The following ARID5B variants were observed in gnomAD, a reference collection of about 807,000 sequenced individuals.
ARID5B encodes AT-rich interactive domain-containing protein 5B.
A neutral mutation model predicts 97.2 loss-of-function variants in ARID5B; 13 were observed. The ratio of observed to expected loss-of-function variants is 0.13; its 90% CI spans 0.09 to 0.21. ARID5B has a LOEUF of 0.21. Among genes scored for constraint, ARID5B ranks in the 10% least tolerant of loss-of-function variants. ARID5B has a pLI of 1.00. For missense variants in ARID5B, 1,210 were observed against 1,465.3 expected (o/e 0.83, Z 2.84); for synonymous variants, 556 against 570.3 (o/e 0.97, Z 0.36).
intron 4 of ARID5B, among the ~76,000 whole-genome samples, chr10:62,036,773 A>C (rs755294381): frequency 3.2e-4 from 48 of 152,196 alleles, no homozygotes; most frequent in Non-Finnish European, 6.6e-4. Context: ...GATCTCATGC[A>C]ACAGAAACCA....
At chr10:61,958,390 G>A (rs534508277) in intron 3 of ARID5B, among the ~76,000 whole-genome samples, 4 of 152,130 alleles carry the variant, frequency 2.6e-5, no homozygotes, top group Middle Eastern at 3.4e-3. Flanking sequence ...CACCGCGCCC[G>A]GCTAATTTTT....
intron 2 of ARID5B, among the ~76,000 whole-genome samples, chr10:61,913,784 T>C (rs1843849644): frequency 6.6e-6 from 1 of 152,180 alleles, no homozygotes; most frequent in Non-Finnish European, 1.5e-5. Flanking sequence ...GGAGTTTCGC[T>C]CTTTTTGCCC....
intron 4 of ARID5B, among the ~76,000 whole-genome samples, chr10:62,032,863 A>G (rs142763031): frequency 6.6e-6 from 1 of 152,122 alleles, no homozygotes; most frequent in African/African-American, 2.4e-5. Flanking sequence ...TAAGTGACCT[A>G]CCCTAACTTC....
intron 3 of ARID5B, among the ~76,000 whole-genome samples, chr10:61,978,403 A>G (rs1158790968): frequency 6.6e-6 from 1 of 152,220 alleles, no homozygotes; most frequent in Non-Finnish European, 1.5e-5. Context: ...GAAGAAGGTC[A>G]TTGGTAGCTT....
chr10:61,968,416 C>T (rs1307714938), intron 3 of ARID5B, among the ~76,000 whole-genome samples: 2 of 151,626 alleles, frequency 1.3e-5, no homozygotes, highest in Admixed American at 6.6e-5. Context: ...GTTAAGCACA[C>T]TATTTCCAAA....
chr10:61,987,651 T>A (rs1057050686), intron 3 of ARID5B, among the ~76,000 whole-genome samples: 16 of 152,232 alleles, frequency 1.1e-4, no homozygotes, highest in African/African-American at 3.6e-4. Context: ...GCCGTCGTAG[T>A]GTAAAAGCAG....
In ARID5B at chr10:62,092,670, C is replaced by A. The variant is rs574165686; in HGVS notation, c.3207C>A (p.His1069Gln). The A allele has an allele frequency of 1.9e-6, 3 of 1,614,024 alleles. No homozygotes were observed. In the East Asian group the frequency reaches 6.7e-5, roughly 36 times the overall value. ...ATTCCGGGGGCGGATCAGAAGGCCA[C>A]AAGCTTCCCCTCTCCTCCCCTATCT... Reference protein sequence around the residue: ...GGHSGGGSEGHKLPLSSPIFP... With the variant: ...GGHSGGGSEGQKLPLSSPIFP... The change falls in exon 10 of 10, where the codon CAC (histidine) becomes CAA (glutamine). Residue 1069 changes from histidine (H) to glutamine (Q), a missense_variant. His to Gln is a conservative substitution (Grantham distance 24, BLOSUM62 0). Transcript: ENST00000279873.
At chr10:62,041,581 A>G (rs146185071) in intron 4 of ARID5B, among the ~76,000 whole-genome samples, 24 of 152,314 alleles carry the variant, frequency 1.6e-4, no homozygotes, top group African/African-American at 5.5e-4. Context: ...TCTTATGTGT[A>G]TGTCTTTTAA....
In ARID5B at chr10:62,091,074, G is replaced by T. The variant is rs1840363042; in HGVS notation, c.1611G>T (p.Gly537=). The change falls in exon 10 of 10, where the codon GGG becomes GGT. Residue 537 remains glycine, a synonymous_variant. Transcript: ENST00000279873. ...TGGCAGAGGAGGCGGGAGAGAAGGGGCCCACACCTCCACTCCCAAGTGCTC... is the reference window on the plus strand; with the variant it reads ...TGGCAGAGGAGGCGGGAGAGAAGGGTCCCACACCTCCACTCCCAAGTGCTC... The part of the protein sequence containing the change: ...EKVAEEAGEK[G]PTPPLPSAPL... The T allele has an allele frequency of 6.2e-7, 1 of 1,613,930 alleles. No individual in the cohort carries two copies. Among genetic ancestry groups the T allele is most frequent in the Non-Finnish European group, 8.5e-7 (1 of 1,179,964 alleles).
intron 2 of ARID5B, among the ~76,000 whole-genome samples, chr10:61,933,703 AT>A (rs1304458745): frequency 6.6e-6 from 1 of 152,200 alleles, no homozygotes; most frequent in African/African-American, 2.4e-5. Context: ...CAGGCTTAAA[AT>A]TTTCAGTAAA....
At chr10:62,056,246 T>G (rs1839855142) in intron 5 of ARID5B, among the ~76,000 whole-genome samples, 1 of 152,228 alleles carries the variant, frequency 6.6e-6, no homozygotes, top group African/African-American at 2.4e-5. Context: ...TACCGCCTTT[T>G]ATTTTTTAAT....
chr10:62,019,604 A>G (rs1284707350), intron 4 of ARID5B, among the ~76,000 whole-genome samples: 1 of 152,206 alleles, frequency 6.6e-6, no homozygotes. Flanking sequence ...TAAGAGTATT[A>G]TTATGTATCC....
intron 2 of ARID5B, among the ~76,000 whole-genome samples, chr10:61,909,539 A>C (rs1478232563): frequency 6.6e-6 from 1 of 151,620 alleles, no homozygotes; most frequent in Admixed American, 6.6e-5. Context: ...GTTGGCCAGG[A>C]TGGTCCCGAT....
chr10:61,943,476 C>CG lies in ARID5B; in HGVS notation c.502+3068_502+3069insG, dbSNP rs537863218. Among the ~76,000 whole-genome samples the CG allele has an allele frequency of 2.4e-3, 361 of 149,670 alleles. 3 individuals carry two copies. Among genetic ancestry groups the CG allele is most frequent in the Admixed American group, 4.3e-3 (65 of 15,124 alleles). On this transcript the variant is annotated intron_variant, in intron 3 of 9. Coordinates refer to ENST00000279873, the MANE Select transcript of ARID5B (RefSeq NM_032199.3). ...AACTGTGAGATTATTTGAGGCCCCC[C>CG]CCCTTTTTTTCTGGTGGAAGTAAGC...
intron 3 of ARID5B, among the ~76,000 whole-genome samples, chr10:61,985,845 A>G (rs1410343620): frequency 1.3e-5 from 2 of 152,080 alleles, no homozygotes; most frequent in African/African-American, 4.8e-5. Context: ...GTGCTTTCTA[A>G]GGGGTTAAAA....
At chr10:61,946,967 A>G (rs1838247184) in intron 3 of ARID5B, among the ~76,000 whole-genome samples, 2 of 152,162 alleles carry the variant, frequency 1.3e-5, no homozygotes, top group Admixed American at 6.6e-5. Flanking sequence ...CTTAAGTTCA[A>G]CATGGAAACT....
In ARID5B at chr10:62,069,756, G is replaced by T. The variant is rs557743421; in HGVS notation, c.1158G>T (p.Gly386=). 2 of 1,614,114 alleles carry T rather than the reference G, an allele frequency of 1.2e-6. No individual in the cohort carries two copies. The highest frequency in any genetic ancestry group is 2.2e-5 in the South Asian group (2 of 91,076). Residue 386 remains glycine, a synonymous_variant, in exon 8 of 10, where the codon GGG becomes GGT. Transcript: ENST00000279873. ...ATGATGAATTAGGCGGTAATCCTGG[G>T]AGCACCAGCGCTGCCACTTGTACCC... is the stretch of plus-strand genomic sequence containing the variant. ...HIYDELGGNP[G]STSAATCTRR... is the part of the protein sequence containing the mutation.
At position 61,911,069 on chromosome 10, in the gene ARID5B, C is replaced by T. The variant is rs149821921; in HGVS notation, c.276+8656C>T. Among the ~76,000 whole-genome samples the T allele has an allele frequency of 2.1e-3, 323 of 152,276 alleles. 4 individuals carry two copies. Among genetic ancestry groups the T allele is most frequent in the African/African-American group, 7.5e-3 (313 of 41,552 alleles). On this transcript the variant is annotated intron_variant, in intron 2 of 9. Transcript: ENST00000279873. ...CAAGCACACCCGGGCTATGAAACAC[C>T]CCTTCCACCCCATAGTTGAGTTCCA...
At chr10:62,048,413 CAG>C (rs1232416869) in intron 4 of ARID5B, among the ~76,000 whole-genome samples, 1 of 152,088 alleles carries the variant, frequency 6.6e-6, no homozygotes, top group African/African-American at 2.4e-5. Flanking sequence ...AAAAAAAGTT[CAG>C]AGGGGAGAGT....
Sources: allele counts gnomAD v4.1 joint callset (sites outside exome capture counted in the v4.1 genomes callset), GRCh38; gene constraint gnomAD v4.1.1; transcripts MANE v1.5; gene names NCBI Gene and HGNC (gene_info 2026-07-23, HGNC 2026-07-21).